The following TEX36 variants were observed in gnomAD, a reference collection of about 807,000 sequenced individuals.
TEX36 encodes the protein testis expressed 36, also known as testis-expressed protein 36.
Under a neutral mutation model 13.6 loss-of-function variants are expected in TEX36, and 12 were observed. The observed-to-expected ratio is 0.88, with a 90% CI of 0.56 to 1.43. The LOEUF (loss-of-function observed/expected upper bound fraction) is 1.43. Ranked by LOEUF, TEX36 falls within the 40% of genes most tolerant of loss-of-function variation. The probability of loss-of-function intolerance (pLI) is 0.00; values close to 1 mark genes in which losing one functional copy is unlikely to be tolerated. For synonymous variants in TEX36, 93 were observed against 83.0 expected, an observed-to-expected ratio of 1.12 and a Z score of -0.65; for missense variants, 224 against 228.3, an observed-to-expected ratio of 0.98 and a Z score of 0.12.
intron 1 of TEX36, among the ~76,000 whole-genome samples, chr10:125,678,860 C>T (rs1847350516): frequency 6.6e-6 from 1 of 152,020 alleles, no homozygotes; most frequent in Admixed American, 6.5e-5. Context: ...CAAAGCCCGG[C>T]TGGGTGGGCT....
At chr10:125,666,362 G>A (rs1847121713) in intron 1 of TEX36, among the ~76,000 whole-genome samples, 1 of 152,122 alleles carries the variant, frequency 6.6e-6, no homozygotes, top group Non-Finnish European at 1.5e-5. Context: ...GTTATTTTGA[G>A]TTATGTTCCT....
intron 3 of TEX36, among the ~76,000 whole-genome samples, chr10:125,628,146 G>T (rs1010481395): frequency 1.3e-5 from 2 of 152,206 alleles, no homozygotes; most frequent in African/African-American, 4.8e-5. Context: ...ATGCAAGTGT[G>T]GTGTTGTAGA....
chr10:125,622,364 C>T (rs68148465), intron 3 of TEX36, among the ~76,000 whole-genome samples: 9,401 of 152,226 alleles, frequency 0.062, 930 homozygotes, highest in African/African-American at 0.21. Flanking sequence ...CAGGTGTATA[C>T]ATGCACAAAC....
chr10:125,614,815 G>A (rs2133554556), intron 3 of TEX36, among the ~76,000 whole-genome samples: 1 of 152,264 alleles, frequency 6.6e-6, no homozygotes, highest in South Asian at 2.1e-4. Flanking sequence ...CCAATTCTGT[G>A]AAGAAAGTCA....
At chr10:125,602,550 C>T (rs981114370) in intron 3 of TEX36, among the ~76,000 whole-genome samples, 2 of 152,168 alleles carry the variant, frequency 1.3e-5, no homozygotes, top group Non-Finnish European at 2.9e-5. Context: ...TCCTCATGCT[C>T]CCCGGCAGCT....
At chr10:125,663,477 A>AT (rs1179853913) in intron 1 of TEX36, among the ~76,000 whole-genome samples, 3 of 152,130 alleles carry the variant, frequency 2.0e-5, no homozygotes, top group African/African-American at 7.2e-5. Flanking sequence ...TCTCCATACT[A>AT]TTTTCCATAG....
chr10:125,617,536 T>G (rs1349833800), downstream of TEX36, among the ~76,000 whole-genome samples: 1 of 152,190 alleles, frequency 6.6e-6, no homozygotes, highest in African/African-American at 2.4e-5. Flanking sequence ...TATTTCTCTT[T>G]CACTTATGAA....
At chr10:125,613,720 G>A (rs559195534) in intron 3 of TEX36, among the ~76,000 whole-genome samples, 137 of 151,990 alleles carry the variant, frequency 9.0e-4, no homozygotes, top group African/African-American at 2.7e-3. Context: ...TTGCTATTGC[G>A]AATAGTGCCG....
At chr10:125,600,027 G>A (rs114056533) in intron 3 of TEX36, among the ~76,000 whole-genome samples, 1 of 152,192 alleles carries the variant, frequency 6.6e-6, no homozygotes. Context: ...GTCTGATTCA[G>A]CCCTAACGTC....
chr10:125,583,012 A>C (rs573902492), intron 3 of TEX36, among the ~76,000 whole-genome samples: 1 of 152,354 alleles, frequency 6.6e-6, no homozygotes, highest in South Asian at 2.1e-4. Context: ...TGCTAATCTA[A>C]TAATATTAAG....
At chr10:125,590,065 G>T (rs553149457) in intron 3 of TEX36, among the ~76,000 whole-genome samples, 1 of 152,130 alleles carries the variant, frequency 6.6e-6, no homozygotes, top group Admixed American at 6.5e-5. Context: ...AACATTACAC[G>T]ACCTTGGACA....
chr10:125,576,770 A>C lies in TEX36; in HGVS notation c.369T>G (p.Asn123Lys), dbSNP rs866374290. 36 of 1,535,380 alleles carry C rather than the reference A, an allele frequency of 2.3e-5. No homozygotes were observed. The African/African-American group carries it at 3.7e-4, about 16-fold the overall frequency. ...GAGCTCACACTGCAAGGAGGGGTGC[A>C]TTAGTTCTCAGGCCTGGATGAGGAA... Residue 123 changes from asparagine (N) to lysine (K), a missense_variant, in exon 4 of 4, where the codon AAT becomes AAG. Coordinates refer to the TEX36 transcript ENST00000532135.
chr10:125,662,898 T>A (rs923754015), intron 1 of TEX36, among the ~76,000 whole-genome samples: 2 of 152,134 alleles, frequency 1.3e-5, no homozygotes, highest in African/African-American at 4.8e-5. Flanking sequence ...CAAGAGAAGC[T>A]CACCCCAATG....
At chr10:125,613,852 C>T (rs1327167628) in intron 3 of TEX36, among the ~76,000 whole-genome samples, 1 of 152,160 alleles carries the variant, frequency 6.6e-6, no homozygotes, top group African/African-American at 2.4e-5. Flanking sequence ...TGAGGAATTG[C>T]CACACTGACT....
intron 3 of TEX36, among the ~76,000 whole-genome samples, chr10:125,606,169 A>G (rs1383991889): frequency 2.6e-5 from 4 of 152,188 alleles, no homozygotes; most frequent in Non-Finnish European, 5.9e-5. Flanking sequence ...AGAAAAAGAG[A>G]AATTGACAGT....
chr10:125,625,823 C>T (rs991945505), intron 3 of TEX36, among the ~76,000 whole-genome samples: 1 of 152,176 alleles, frequency 6.6e-6, no homozygotes, highest in Non-Finnish European at 1.5e-5. Flanking sequence ...GTGTATCTAC[C>T]GGGCTATGTT....
rs186162952 is a variant in TEX36 at position 125,641,944 on chromosome 10, G to A, written c.264+19077C>T. 1.0e-3 allele frequency among the ~76,000 whole-genome samples: 153 copies of A among 152,264 alleles called. 2 individuals are homozygous for A. In the South Asian group the frequency reaches 0.013, roughly 13 times the overall value. On this transcript the variant is annotated intron_variant, in intron 3 of 3. Coordinates refer to the TEX36 transcript ENST00000526819. ...CTATTAAGAAAGACTGGTTTTAAGG[G>A]GAGGTTATCTAATTTGCGTTTCCAT... is the stretch of plus-strand genomic sequence containing the variant.
chr10:125,589,500 C>T (rs184848710), intron 3 of TEX36, among the ~76,000 whole-genome samples: 317 of 152,260 alleles, frequency 2.1e-3, no homozygotes, highest in Middle Eastern at 3.4e-3. Context: ...GATGGATACT[C>T]TACTATTTTA....
intron 1 of TEX36, among the ~76,000 whole-genome samples, chr10:125,666,314 G>A (rs1005986750): frequency 6.6e-6 from 1 of 152,188 alleles, no homozygotes; most frequent in African/African-American, 2.4e-5. Flanking sequence ...ACTCCATTCA[G>A]TATGATGTTA....
Sources: allele counts gnomAD v4.1 joint callset (sites outside exome capture counted in the v4.1 genomes callset), GRCh38; gene constraint gnomAD v4.1.1; transcripts MANE v1.5; gene names NCBI Gene and HGNC (gene_info 2026-07-23, HGNC 2026-07-21).